The following RCOR1 variants were observed in gnomAD, a reference collection of about 807,000 sequenced individuals.
RCOR1 encodes the protein REST corepressor.
In RCOR1, 12 loss-of-function variants were observed where a neutral mutation model predicts 64.0. That is an observed-to-expected ratio of 0.19 (90% CI 0.12 to 0.30). RCOR1 has a LOEUF of 0.30. Among genes scored for constraint, RCOR1 ranks in the 10% least tolerant of loss-of-function variants. The pLI, the probability that RCOR1 is intolerant of heterozygous loss-of-function variation, is 1.00. For missense variants in RCOR1, 502 were observed against 621.2 expected, an observed-to-expected ratio of 0.81 and a Z score of 2.04; for synonymous variants, 279 against 227.2, an observed-to-expected ratio of 1.23 and a Z score of -2.05.
intron 2 of RCOR1, among the ~76,000 whole-genome samples, chr14:102,606,671 C>A (rs1401830488): frequency 1.3e-5 from 2 of 150,646 alleles, no homozygotes; most frequent in Non-Finnish European, 3.0e-5. Flanking sequence ...TCACCCTGTC[C>A]CCCAGGCTGG....
At chr14:102,654,388 A>C (rs1894679313) in intron 2 of RCOR1, among the ~76,000 whole-genome samples, 1 of 152,162 alleles carries the variant, frequency 6.6e-6, no homozygotes, top group Admixed American at 6.6e-5. Flanking sequence ...AATGAAGAGT[A>C]GGTAAAAGAC....
At chr14:102,598,248 G>A (rs1893306618) in intron 2 of RCOR1, among the ~76,000 whole-genome samples, 1 of 152,128 alleles carries the variant, frequency 6.6e-6, no homozygotes, top group Non-Finnish European at 1.5e-5. Flanking sequence ...GAGCCACTGT[G>A]CCCGGCCTGA....
intron 2 of RCOR1, among the ~76,000 whole-genome samples, chr14:102,650,085 C>G (rs1168361195): frequency 6.6e-6 from 1 of 151,524 alleles, no homozygotes; most frequent in Non-Finnish European, 1.5e-5. Flanking sequence ...GTAGTCCCAG[C>G]TACTCAGGAG....
At chr14:102,595,550 G>T (rs1893224571) in intron 2 of RCOR1, among the ~76,000 whole-genome samples, 1 of 151,798 alleles carries the variant, frequency 6.6e-6, no homozygotes, top group East Asian at 1.9e-4. Flanking sequence ...CTGCCAATTG[G>T]TTGAGTATTG....
Position 102,700,533 on chromosome 14 carries a change from A to G in RCOR1, c.446-745A>G, listed in dbSNP as rs1054310453. Among the ~76,000 whole-genome samples the G allele has an allele frequency of 2.0e-5, 3 of 152,156 alleles. No homozygotes were observed. The East Asian group carries it at 5.8e-4, about 29-fold the overall frequency. On this transcript the variant is annotated intron_variant, in intron 3 of 11. Coordinates refer to ENST00000262241, the MANE Select transcript of RCOR1 (RefSeq NM_015156.4). The stretch of plus-strand genomic sequence containing the variant: ...CTGCAGCATCCAGCCCTGACTAATT[A>G]TTTTTAAAAATTATTTGTAGAGACA...
chr14:102,700,465 C>T (rs917839126), intron 3 of RCOR1, among the ~76,000 whole-genome samples: 7 of 152,170 alleles, frequency 4.6e-5, no homozygotes, highest in Admixed American at 2.6e-4. Flanking sequence ...CAAAGTGATT[C>T]GCCTGCCCTA....
At chr14:102,707,570 A>C in intron 5 of RCOR1, 58 bp downstream of exon 5, 2 of 1,363,146 alleles carry the variant, frequency 1.5e-6, no homozygotes, top group South Asian at 2.7e-5. Context: ...TCTCTTTTGC[A>C]GCATACTTGA....
At chr14:102,676,322 G>A (rs1895152003) in intron 2 of RCOR1, among the ~76,000 whole-genome samples, 5 of 144,486 alleles carry the variant, frequency 3.5e-5, no homozygotes, top group South Asian at 2.2e-4. Flanking sequence ...CGGATGGGGC[G>A]GCTGGCCGGG....
intron 2 of RCOR1, among the ~76,000 whole-genome samples, chr14:102,632,690 CCTTTT>C (rs1894146307): frequency 8.4e-6 from 1 of 118,588 alleles, no homozygotes; most frequent in Non-Finnish European, 1.7e-5. Flanking sequence ...TTTTCCTTTT[CCTTTT>C]CCTTTCCTTT....
intron 2 of RCOR1, among the ~76,000 whole-genome samples, chr14:102,679,618 A>G (rs932364718): frequency 6.6e-6 from 1 of 152,068 alleles, no homozygotes; most frequent in Non-Finnish European, 1.5e-5. Flanking sequence ...AGCTGGGACT[A>G]CAGGCGCCCG....
chr14:102,724,503 T>C (rs1164711846), intron 11 of RCOR1, among the ~76,000 whole-genome samples: 3 of 152,138 alleles, frequency 2.0e-5, no homozygotes, highest in Non-Finnish European at 4.4e-5. Context: ...GGCTAATTTT[T>C]GTATTTTTAG....
chr14:102,673,202 AT>A (rs1895063412), intron 2 of RCOR1, among the ~76,000 whole-genome samples: 1 of 152,190 alleles, frequency 6.6e-6, no homozygotes, highest in African/African-American at 2.4e-5. Flanking sequence ...TGTTTTCAAC[AT>A]TTAAGTTATG....
chr14:102,655,713 G>A (rs1299981974), intron 2 of RCOR1, among the ~76,000 whole-genome samples: 1 of 152,094 alleles, frequency 6.6e-6, no homozygotes, highest in East Asian at 1.9e-4. Context: ...AGCACTTTGG[G>A]AGGCTGAGGC....
intron 3 of RCOR1, among the ~76,000 whole-genome samples, chr14:102,699,376 ATAAT>A (rs1895710716): frequency 6.6e-6 from 1 of 152,240 alleles, no homozygotes; most frequent in Non-Finnish European, 1.5e-5. Flanking sequence ...GCTGCAGTAT[ATAAT>A]TAGTTATTGT....
chr14:102,676,780 G>T (rs1455103659), intron 2 of RCOR1, among the ~76,000 whole-genome samples: 89 of 63,686 alleles, frequency 1.4e-3, no homozygotes, highest in African/African-American at 6.3e-3. Context: ...GGGCAGAGGG[G>T]TCCTCACTTC....
At chr14:102,703,434 C>T (rs1895787671) in intron 4 of RCOR1, among the ~76,000 whole-genome samples, 1 of 152,166 alleles carries the variant, frequency 6.6e-6, no homozygotes, top group South Asian at 2.1e-4. Context: ...TTTGAAAAGA[C>T]AGAGAATCTT....
intron 6 of RCOR1, chr14:102,710,672 T>G: frequency 2.4e-6 from 1 of 412,204 alleles, no homozygotes. Context: ...GCAATAGTGT[T>G]TTAGATCTGG....
chr14:102,701,942 C>A (rs1895765240), intron 4 of RCOR1, among the ~76,000 whole-genome samples: 1 of 152,210 alleles, frequency 6.6e-6, no homozygotes, highest in Non-Finnish European at 1.5e-5. Context: ...GTTGGGATTA[C>A]AGGCGTGAGC....
intron 2 of RCOR1, chr14:102,657,315 C>T: frequency 1.0e-6 from 1 of 985,262 alleles, no homozygotes; most frequent in Non-Finnish European, 1.2e-6. Context: ...TCCTCATGTT[C>T]AAGGAGTAAT....
Sources: gnomAD v4.1 joint callset for allele counts (sites outside exome capture counted in the v4.1 genomes callset) on GRCh38, gnomAD v4.1.1 for gene constraint, MANE v1.5 for transcripts, NCBI Gene and HGNC (gene_info 2026-07-23, HGNC 2026-07-21) for gene names.